POLR3E: variants seen among roughly 807,000 people sequenced by gnomAD.
The protein encoded by POLR3E is RNA polymerase III subunit E, also known as DNA-directed RNA polymerase III subunit RPC5.
POLR3E carries 41 observed loss-of-function variants against 96.6 expected under a neutral mutation model. The observed-to-expected ratio is 0.42, with a 90% CI of 0.33 to 0.55. POLR3E has a LOEUF of 0.55. Ranked by LOEUF, POLR3E falls within the 20% of genes least tolerant of loss-of-function variation. The pLI is 0.06. For synonymous variants in POLR3E, 396 were observed against 383.6 expected (o/e 1.03, Z -0.38); for missense variants, 849 against 952.1 (o/e 0.89, Z 1.43).
intron 4 of POLR3E, chr16:22,308,593 C>T: frequency 4.5e-6 from 2 of 442,054 alleles, no homozygotes; most frequent in Non-Finnish European, 8.2e-6. Context: ...CCAGTATTGC[C>T]AGTTCTGCTG....
At chr16:22,305,889 A>T (rs988419882) in intron 3 of POLR3E, among the ~76,000 whole-genome samples, 11 of 152,170 alleles carry the variant, frequency 7.2e-5, no homozygotes, top group Admixed American at 5.9e-4. Flanking sequence ...ATTACATTTT[A>T]TAACCGATAT....
intron 12 of POLR3E, among the ~76,000 whole-genome samples, chr16:22,317,692 GTTTTAAAGGTTTT>G (rs1279081083): frequency 6.6e-6 from 1 of 151,576 alleles, no homozygotes; most frequent in Non-Finnish European, 1.5e-5. Context: ...TTTTTTAAAG[GTTTTAAAGGTTTT>G]TTTTAAAGGT....
At chr16:22,325,738 C>T (rs759790213) in intron 17 of POLR3E, 23 bp from the exon 18 acceptor site, 4 of 1,530,274 alleles carry the variant, frequency 2.6e-6, no homozygotes, top group Non-Finnish European at 3.5e-6. Context: ...CCCTCCTGAG[C>T]AGTGCTGCCT....
At chr16:22,305,709 C>G (rs537191756) in intron 3 of POLR3E, among the ~76,000 whole-genome samples, 8 of 152,238 alleles carry the variant, frequency 5.3e-5, no homozygotes, top group Admixed American at 5.2e-4. Flanking sequence ...AGCCCTCAGT[C>G]CTGCCAGCTG....
rs1420875730 is a variant in POLR3E, at chr16:22,313,103, C to T, written c.365-517C>T. 6.6e-6 allele frequency among the ~76,000 whole-genome samples: 1 copy of T among 152,016 alleles called. No individual in the cohort carries two copies. The highest frequency in any genetic ancestry group is 1.5e-5 in the Non-Finnish European group (1 of 68,022). ...TGATCTTTATCAGAGGCCATGTGGACACTCCACCCAGTTCTAGCAGGGCCT... is the reference window on the plus strand; with the variant it reads ...TGATCTTTATCAGAGGCCATGTGGATACTCCACCCAGTTCTAGCAGGGCCT... On this transcript the variant is annotated intron_variant, in intron 6 of 20. Transcript: ENST00000299853. The surrounding 1 kb of genome is among the most constrained non-coding windows in gnomAD (Gnocchi z 4.1).
At chr16:22,301,924 GAA>G (rs60618622) in intron 1 of POLR3E, among the ~76,000 whole-genome samples, 6 of 119,560 alleles carry the variant, frequency 5.0e-5, no homozygotes, top group Admixed American at 8.5e-5. Context: ...TCCGTCTCAA[GAA>G]AAAAAAAAAA....
rs1042415588 is a variant in POLR3E at position 22,333,861 on chromosome 16, C to G, written c.*161C>G. 3.5e-6 allele frequency: 2 copies of G among 575,794 alleles called. No individual in the cohort carries two copies. The highest frequency in any genetic ancestry group is 3.7e-5 in the African/African-American group (2 of 53,922). 35.7% of individuals were successfully genotyped at this position (575,794 alleles called of 1,614,324 possible). A position where few individuals can be genotyped will look rare whatever the true frequency, so the allele number is the denominator to read the frequency against. On this transcript the variant is annotated 3_prime_UTR_variant, in exon 21 of 21. Transcript: ENST00000299853. ...TGCAGTGGACAGAAGGGATTATCCT[C>G]AGCCAGTCGCAGGGTCAGCTTAAGT...
chr16:22,315,060 G>A lies in POLR3E; in HGVS notation c.523-29G>A, dbSNP rs201314259. On this transcript the variant is annotated intron_variant, in intron 8 of 20. Transcript: ENST00000299853. The stretch of plus-strand genomic sequence containing the variant: ...GTCCAGCAAGGGTCACAGGCCTGAC[G>A]GTATGACCTCTTCCCCTTCCCACCG... 11 of 1,610,686 alleles carry A rather than the reference G, an allele frequency of 6.8e-6. No homozygotes were observed. In the African/African-American group the frequency reaches 1.1e-4, roughly 16 times the overall value.
At chr16:22,300,036 T>G (rs1047345002) in intron 1 of POLR3E, among the ~76,000 whole-genome samples, 6 of 152,172 alleles carry the variant, frequency 3.9e-5, no homozygotes, top group African/African-American at 1.4e-4. Flanking sequence ...TTCCAAAGAC[T>G]CACTGTTGCT....
At chr16:22,302,546 G>A (rs149684200) in intron 1 of POLR3E, 41 of 171,650 alleles carry the variant, frequency 2.4e-4, no homozygotes, top group African/African-American at 8.8e-4. Context: ...TCTTTAAAGC[G>A]TCCCCAGGGC....
intron 18 of POLR3E, chr16:22,328,278 C>G (rs1038808183): frequency 5.5e-6 from 3 of 547,208 alleles, no homozygotes; most frequent in South Asian, 2.2e-5. Context: ...CACACTCCCC[C>G]TCTCGCTGAA....
At chr16:22,319,405 GTTTTTTTT>G (rs756752910) in intron 13 of POLR3E, among the ~76,000 whole-genome samples, 4 of 144,732 alleles carry the variant, frequency 2.8e-5, no homozygotes, top group East Asian at 4.0e-4. Context: ...TTGTTTTTTT[GTTTTTTTT>G]TTTGAGACAG....
Position 22,318,949 on chromosome 16 carries a change from A to G in POLR3E, c.986+3A>G. The G allele has an allele frequency of 6.3e-7, 1 of 1,578,084 alleles. No individual in the cohort carries two copies. The highest frequency in any genetic ancestry group is 8.6e-7 in the Non-Finnish European group (1 of 1,167,164). ...CAAGGGAACTGGGTGGTGAAGAGGTAAGTTGCTTTTTTTATTTTTTATTTT... is the reference window on the plus strand; with the variant it reads ...CAAGGGAACTGGGTGGTGAAGAGGTGAGTTGCTTTTTTTATTTTTTATTTT... On this transcript the variant is annotated splice_donor_region_variant and intron_variant, in intron 13 of 20. Transcript: ENST00000299853. The surrounding 1 kb of genome is among the most constrained non-coding windows in gnomAD (Gnocchi z 5.0).
At chr16:22,299,617 T>C (rs138187065) in intron 1 of POLR3E, among the ~76,000 whole-genome samples, 13 of 152,062 alleles carry the variant, frequency 8.5e-5, no homozygotes, top group Non-Finnish European at 1.3e-4. Context: ...TTTCACCTTA[T>C]TGGCCAGGCT....
At chr16:22,308,903 T>G (rs778691378) in intron 4 of POLR3E, 22 bp from the exon 5 acceptor site, 6 of 1,540,074 alleles carry the variant, frequency 3.9e-6, no homozygotes, top group Non-Finnish European at 2.7e-6. Context: ...TCATAGCTGG[T>G]GGGGGTGCTT....
intron 18 of POLR3E, chr16:22,328,231 T>A: frequency 2.3e-6 from 1 of 441,304 alleles, no homozygotes; most frequent in South Asian, 2.7e-5. Flanking sequence ...ACGGAGGATA[T>A]CTGCAGACTC....
At chr16:22,330,627 A>G (rs1477515135) in intron 19 of POLR3E, among the ~76,000 whole-genome samples, 1 of 152,128 alleles carries the variant, frequency 6.6e-6, no homozygotes, top group East Asian at 1.9e-4. Context: ...GCTCTTCCCC[A>G]TGTCTGTTGC....
At position 22,317,166 on chromosome 16, in the gene POLR3E, G is replaced by T. The variant is rs1325872680; in HGVS notation, c.825G>T (p.Thr275=). The T allele has an allele frequency of 6.2e-7, 1 of 1,613,710 alleles. No individual in the cohort carries two copies. Among genetic ancestry groups the T allele is most frequent in the Admixed American group, 1.7e-5 (1 of 60,018 alleles). The change falls in exon 12 of 21, where the codon ACG becomes ACT. Residue 275 remains threonine (T), a synonymous_variant. Transcript: ENST00000299853. ...TCCTGTCGATGGCCCAGCTGCGCAC[G>T]CTGCCCCTGGCCGATCAGATCAAGA... The part of the protein sequence containing the change: ...SNVLSMAQLR[T]LPLADQIKIL...
At chr16:22,331,320 AGTT>A (rs2048735942) in intron 19 of POLR3E, 1 of 151,944 alleles carries the variant, frequency 6.6e-6, no homozygotes, top group South Asian at 2.1e-4. Flanking sequence ...AAGTTTTCAG[AGTT>A]GTTGAAATTC....
Sources: allele counts gnomAD v4.1 joint callset (sites outside exome capture counted in the v4.1 genomes callset), GRCh38; gene constraint gnomAD v4.1.1; non-coding constraint Gnocchi (gnomAD v3.1); transcripts MANE v1.5; gene names NCBI Gene and HGNC (gene_info 2026-07-23, HGNC 2026-07-21).